Variants in FRRS1L observed in about 807,000 individuals in gnomAD.
The protein encoded by FRRS1L is ferric chelate reductase 1 like, also known as DOMON domain-containing protein FRRS1L.
FRRS1L carries 22 observed loss-of-function variants against 28.6 expected under a neutral mutation model. The observed-to-expected ratio is 0.77, with a 90% CI of 0.55 to 1.10. FRRS1L has a LOEUF of 1.10. Ranked by LOEUF, FRRS1L falls within the 50% of genes least tolerant of loss-of-function variation. The pLI, the probability that FRRS1L is intolerant of heterozygous loss-of-function variation, is 0.00. For missense variants in FRRS1L, 380 were observed against 386.9 expected (o/e 0.98, Z 0.15); for synonymous variants, 158 against 151.4 (o/e 1.04, Z -0.32).
At chr9:109,159,963 T>C (rs1447076143) in intron 1 of FRRS1L, among the ~76,000 whole-genome samples, 1 of 152,200 alleles carries the variant, frequency 6.6e-6, no homozygotes, top group Non-Finnish European at 1.5e-5. Context: ...TTGCTTTTGT[T>C]TCTCTGGAGA....
intron 2 of FRRS1L, among the ~76,000 whole-genome samples, chr9:109,149,216 G>A (rs541608403): frequency 1.3e-5 from 2 of 152,336 alleles, no homozygotes; most frequent in Admixed American, 6.5e-5. Context: ...AATGCTTAAT[G>A]ACTAGTTAGA....
At chr9:109,152,855 TA>T (rs1213595782) in intron 1 of FRRS1L, among the ~76,000 whole-genome samples, 5 of 119,848 alleles carry the variant, frequency 4.2e-5, no homozygotes, top group Non-Finnish European at 6.9e-5. Flanking sequence ...AACAGGTTTC[TA>T]AACTCCAAAT....
chr9:109,134,293 A>C lies in FRRS1L; in HGVS notation c.*3162T>G, dbSNP rs1472117486. ...TGGTCTCTGCATTAGGGAGATAACA[A>C]GGAGGACAAGCCAGCAATTCTAGAA... On this transcript the variant is annotated 3_prime_UTR_variant, in exon 5 of 5. Transcript: ENST00000561981. The C allele has an allele frequency of 2.0e-5, 3 of 152,354 alleles. No individual in the cohort carries two copies. The highest frequency in any genetic ancestry group is 2.0e-4 in the Admixed American group (3 of 15,306). The allele number at this position is 152,354 out of a possible 1,614,324, so 9.4% of individuals were successfully genotyped here.
chr9:109,146,314 AC>A, intron 3 of FRRS1L, among the ~76,000 whole-genome samples: 1 of 152,334 alleles, frequency 6.6e-6, no homozygotes, highest in South Asian at 2.1e-4. Context: ...GGGTGGTGGC[AC>A]CCCAGATTTA....
chr9:109,142,596 T>G (rs772464061), intron 3 of FRRS1L, among the ~76,000 whole-genome samples: 4 of 152,142 alleles, frequency 2.6e-5, no homozygotes, highest in Non-Finnish European at 5.9e-5. Context: ...GGAGGATCAT[T>G]TGAGCCCAGA....
rs118029445 is a variant in FRRS1L at position 109,137,740 on chromosome 9, T to C, written c.710-113A>G. The C allele has an allele frequency of 2.3e-3, 1,268 of 547,388 alleles. 3 individuals carry two copies. Among genetic ancestry groups the C allele is most frequent in the Admixed American group, 3.5e-3 (109 of 31,302 alleles). The allele number at this position is 547,388 out of a possible 1,614,324, so 33.9% of individuals were successfully genotyped here. On this transcript the variant is annotated intron_variant, in intron 4 of 4. Transcript: ENST00000561981. The stretch of plus-strand genomic sequence containing the variant: ...TATTTAGTGTTGAATACGTAAGCAG[T>C]GGTTACAAAGATCTGGATTCAGGTA...
intron 1 of FRRS1L, among the ~76,000 whole-genome samples, chr9:109,154,786 C>T (rs373019426): frequency 1.1e-4 from 17 of 152,112 alleles, no homozygotes; most frequent in South Asian, 4.1e-4. Context: ...CTGACACATA[C>T]GTCTTAGAAA....
intron 1 of FRRS1L, among the ~76,000 whole-genome samples, chr9:109,155,763 T>C (rs971403126): frequency 6.7e-6 from 1 of 150,350 alleles, no homozygotes; most frequent in Non-Finnish European, 1.5e-5. Context: ...TTCGTGGTTG[T>C]CTCGAGCTGG....
chr9:109,162,069 A>G lies in FRRS1L; in HGVS notation c.238+4832T>C, dbSNP rs1398266407. Reference sequence around the variant, plus strand: ...GGTGGCTCACGCATGTAATTCCAGCACTTTGGGGGGCCAAGGCAGGCAGAT... The same window carrying G: ...GGTGGCTCACGCATGTAATTCCAGCGCTTTGGGGGGCCAAGGCAGGCAGAT... On this transcript the variant is annotated intron_variant, in intron 1 of 4. Coordinates refer to ENST00000561981, the MANE Select transcript of FRRS1L (RefSeq NM_014334.4). Among the ~76,000 whole-genome samples, 4 of 152,184 alleles carry G rather than the reference A, an allele frequency of 2.6e-5. No homozygotes were observed. In the East Asian group the frequency reaches 7.7e-4, roughly 29 times the overall value.
chr9:109,146,275 C>T (rs760530802), intron 3 of FRRS1L, among the ~76,000 whole-genome samples: 3 of 152,146 alleles, frequency 2.0e-5, no homozygotes, highest in African/African-American at 7.2e-5. Context: ...GTTCTGTGAG[C>T]CACTCCAGGA....
intron 1 of FRRS1L, among the ~76,000 whole-genome samples, chr9:109,158,940 A>G (rs1402086505): frequency 6.6e-6 from 1 of 152,222 alleles, no homozygotes; most frequent in Admixed American, 6.5e-5. Flanking sequence ...CCAACAATGT[A>G]TGAGAGGTCC....
At chr9:109,164,868 T>C (rs1038196181) in intron 1 of FRRS1L, among the ~76,000 whole-genome samples, 1 of 152,252 alleles carries the variant, frequency 6.6e-6, no homozygotes. Flanking sequence ...CTCTTCTGTG[T>C]CACTGAAGTC....
In FRRS1L at chr9:109,136,492, T is replaced by A. The variant is rs1831112866; in HGVS notation, c.*963A>T. 6.6e-6 allele frequency: 1 copy of A among 151,944 alleles called. No homozygotes were observed. The highest frequency in any genetic ancestry group is 6.6e-5 in the Admixed American group (1 of 15,230). 9.4% of individuals were successfully genotyped at this position (151,944 alleles called of 1,614,324 possible). A position where few individuals can be genotyped will look rare whatever the true frequency, so the allele number is the denominator to read the frequency against. On this transcript the variant is annotated 3_prime_UTR_variant, in exon 5 of 5. Transcript: ENST00000561981. ...TGTTTTCCCATAGCTGCTCTCTAAC[T>A]GAGAAGAAATTTCAAATAAATATTA...
At chr9:109,160,791 C>CTTTTTT (rs750103312) in intron 1 of FRRS1L, among the ~76,000 whole-genome samples, 6 of 114,390 alleles carry the variant, frequency 5.2e-5, no homozygotes, top group African/African-American at 6.7e-5. Context: ...AGAAAGAAAT[C>CTTTTTT]TTTTTTTTTT....
chr9:109,147,039 T>C lies in FRRS1L; in HGVS notation c.462+12A>G, dbSNP rs762364204. ...GAGAAAAAATCAGCTTCTATCATGTTTTGCATCTTACCATTTTCTTGTCTG... is the reference window on the plus strand; with the variant it reads ...GAGAAAAAATCAGCTTCTATCATGTCTTGCATCTTACCATTTTCTTGTCTG... On this transcript the variant is annotated intron_variant, in intron 3 of 4. Coordinates refer to ENST00000561981, the MANE Select transcript of FRRS1L (RefSeq NM_014334.4). The C allele has an allele frequency of 2.5e-6, 4 of 1,612,598 alleles. No individual in the cohort carries two copies. The Admixed American group carries it at 5.0e-5, about 20-fold the overall frequency.
chr9:109,153,760 A>C (rs568125781), intron 1 of FRRS1L, among the ~76,000 whole-genome samples: 2 of 152,300 alleles, frequency 1.3e-5, no homozygotes, highest in Non-Finnish European at 2.9e-5. Flanking sequence ...ACTGAATTGC[A>C]GTACACCAGT....
In FRRS1L at chr9:109,137,596, C is replaced by A; in HGVS notation, c.741G>T (p.Pro247=). ...GSITRHDIDS[P]PASERVVSIY... ...TACTGACAACACGCTCTGAAGCCGGCGGTGAGTCTATATCATGTCGAGTGA... is the reference window on the plus strand; with the variant it reads ...TACTGACAACACGCTCTGAAGCCGGAGGTGAGTCTATATCATGTCGAGTGA... Residue 247 remains proline, a synonymous_variant, in exon 5 of 5, where the codon CCG becomes CCT. Coordinates refer to ENST00000561981, the MANE Select transcript of FRRS1L (RefSeq NM_014334.4). 1 of 1,608,468 alleles carries A rather than the reference C, an allele frequency of 6.2e-7. No homozygotes were observed.
intron 1 of FRRS1L, chr9:109,150,988 T>C (rs909302488): frequency 1.3e-5 from 2 of 152,226 alleles, no homozygotes; most frequent in Non-Finnish European, 1.5e-5. Context: ...AGTTTTTTCT[T>C]TGGGATTTGT....
chr9:109,141,903 A>G (rs1042891196), intron 3 of FRRS1L, among the ~76,000 whole-genome samples: 4 of 152,032 alleles, frequency 2.6e-5, no homozygotes, highest in African/African-American at 9.7e-5. Context: ...AAAAATTAAA[A>G]AAATACCTAG....
Sources: gnomAD v4.1 joint callset for allele counts (sites outside exome capture counted in the v4.1 genomes callset) on GRCh38, gnomAD v4.1.1 for gene constraint, MANE v1.5 for transcripts, NCBI Gene and HGNC (gene_info 2026-07-23, HGNC 2026-07-21) for gene names.